The following VPS13A variants were observed in gnomAD, a reference collection of about 807,000 sequenced individuals.
VPS13A encodes vacuolar protein sorting 13 homolog A, also known as intermembrane lipid transfer protein VPS13A.
Under a neutral mutation model 390.9 loss-of-function variants are expected in VPS13A, and 264 were observed. The ratio of observed to expected loss-of-function variants is 0.68; its 90% confidence interval spans 0.61 to 0.75. The LOEUF (loss-of-function observed/expected upper bound fraction) is 0.75. VPS13A is among the 30% of genes least tolerant of loss of function. The pLI is 0.00. For missense variants in VPS13A, 3,409 were observed against 3,733.9 expected (o/e 0.91, Z 2.27); for synonymous variants, 1,231 against 1,227.1 (o/e 1.00, Z -0.07).
In VPS13A at chr9:77,405,903, C is replaced by T. The variant is rs1197508826; in HGVS notation, c.9315C>T (p.Leu3105=). ...LFVTKGTFGQ[L]TCEWQYSFDE... ...TAACAAAGGGAACATTTGGACAACT[C>T]ACGTGTGAGTGGCAGTATAGTTTTG... The change falls in exon 70 of 72, where the codon CTC becomes CTT. Residue 3105 remains leucine (L), a synonymous_variant. Coordinates refer to ENST00000360280, the MANE Select transcript of VPS13A (RefSeq NM_033305.3). The T allele has an allele frequency of 6.2e-7, 1 of 1,613,856 alleles. No homozygotes were observed.
At chr9:77,248,279 G>A (rs1014245905) in intron 20 of VPS13A, among the ~76,000 whole-genome samples, 3 of 150,066 alleles carry the variant, frequency 2.0e-5, no homozygotes, top group Non-Finnish European at 4.4e-5. Flanking sequence ...GCAGTGGCAC[G>A]ATCTCGGCTC....
At position 77,220,043 on chromosome 9, in the gene VPS13A, G is replaced by C; in HGVS notation, c.844G>C (p.Glu282Gln). The C allele has an allele frequency of 1.9e-6, 3 of 1,612,154 alleles. No homozygotes were observed. The highest frequency in any genetic ancestry group is 2.5e-6 in the Non-Finnish European group (3 of 1,178,526). The change falls in exon 11 of 72, where the codon GAG (glutamate) becomes CAG (glutamine). Residue 282 changes from glutamate (E) to glutamine (Q), a missense_variant. This residue lies in a region of VPS13A where 2,717 missense variants were observed against 2,917.4 expected (regional missense o/e 0.93). Coordinates refer to ENST00000360280, the MANE Select transcript of VPS13A (RefSeq NM_033305.3). ...TGCCCCCAAAATAAACTTGGAAATT[G>C]AGTTACATAACATAGCAATTGAATT... ...FSAPKINLEI[E>Q]LHNIAIEFNK...
intron 33 of VPS13A, among the ~76,000 whole-genome samples, chr9:77,301,443 T>C (rs1828348576): frequency 6.6e-6 from 1 of 152,234 alleles, no homozygotes; most frequent in African/African-American, 2.4e-5. Context: ...TGCAGGCATA[T>C]GTAAGTTTGG....
At chr9:77,211,004 G>A (rs1825947642) in intron 7 of VPS13A, among the ~76,000 whole-genome samples, 1 of 152,008 alleles carries the variant, frequency 6.6e-6, no homozygotes, top group Admixed American at 6.6e-5. Context: ...GATAAGCCTT[G>A]AAAAACAAAA....
At chr9:77,189,442 C>G (rs989310621) in intron 1 of VPS13A, among the ~76,000 whole-genome samples, 9 of 151,936 alleles carry the variant, frequency 5.9e-5, no homozygotes, top group African/African-American at 2.2e-4. Flanking sequence ...GGGCTCTTGA[C>G]CTGTTCCATT....
chr9:77,191,557 G>A (rs1342450714), intron 1 of VPS13A, among the ~76,000 whole-genome samples: 7 of 151,964 alleles, frequency 4.6e-5, no homozygotes, highest in Non-Finnish European at 7.4e-5. Flanking sequence ...CCTAAGCCTT[G>A]CAAAGTACTG....
chr9:77,207,252 T>TATATATATATA, intron 5 of VPS13A, among the ~76,000 whole-genome samples: 3 of 87,274 alleles, frequency 3.4e-5, no homozygotes, highest in Non-Finnish European at 6.9e-5. Context: ...TATATATATA[T>TATATATATATA]AAAACGTGTT....
At chr9:77,287,461 G>A (rs1425308861) in intron 31 of VPS13A, among the ~76,000 whole-genome samples, 1 of 152,072 alleles carries the variant, frequency 6.6e-6, no homozygotes, top group Non-Finnish European at 1.5e-5. Context: ...CCAAAGTGCT[G>A]TGATTACAGA....
At chr9:77,369,173 G>T in intron 62 of VPS13A, 126 bp from the exon 63 acceptor site, 1 of 723,624 alleles carries the variant, frequency 1.4e-6, no homozygotes, top group Non-Finnish European at 2.5e-6. Flanking sequence ...AAAATGAGAT[G>T]GTTTAGGAGT....
chr9:77,388,708 GT>G (rs936100202), intron 68 of VPS13A, among the ~76,000 whole-genome samples: 12 of 152,054 alleles, frequency 7.9e-5, no homozygotes, highest in African/African-American at 2.9e-4. Context: ...CATTGTTTTT[GT>G]TTTTTAAAAG....
intron 19 of VPS13A, among the ~76,000 whole-genome samples, chr9:77,239,720 A>C (rs1275945103): frequency 5.3e-5 from 8 of 151,700 alleles, no homozygotes; most frequent in Non-Finnish European, 1.2e-4. Flanking sequence ...TAATTAATTT[A>C]TTTAGGCTTA....
At chr9:77,347,689 T>G (rs933740462) in intron 52 of VPS13A, among the ~76,000 whole-genome samples, 1 of 152,162 alleles carries the variant, frequency 6.6e-6, no homozygotes, top group Admixed American at 6.5e-5. Context: ...AGTCTTATCT[T>G]TAGTAAATCT....
chr9:77,183,808 T>C (rs914036722), intron 1 of VPS13A, among the ~76,000 whole-genome samples: 1 of 152,254 alleles, frequency 6.6e-6, no homozygotes, highest in African/African-American at 2.4e-5. Context: ...TTATTTTTAA[T>C]AGCCCCAAAT....
intron 67 of VPS13A, among the ~76,000 whole-genome samples, chr9:77,381,694 A>G (rs1417987150): frequency 6.6e-6 from 1 of 152,162 alleles, no homozygotes; most frequent in Non-Finnish European, 1.5e-5. Flanking sequence ...TGTTTATAGC[A>G]TTATACTAAA....
At chr9:77,229,785 C>G (rs959975137) in intron 17 of VPS13A, among the ~76,000 whole-genome samples, 1 of 152,042 alleles carries the variant, frequency 6.6e-6, no homozygotes, top group Non-Finnish European at 1.5e-5. Context: ...GGGTAGACAC[C>G]TGGGGTGGAA....
At chr9:77,282,539 T>A (rs577881287) in intron 29 of VPS13A, among the ~76,000 whole-genome samples, 58 of 152,184 alleles carry the variant, frequency 3.8e-4, no homozygotes, top group Middle Eastern at 6.8e-3. Context: ...GATTAAAAAA[T>A]TTTTTTTCTT....
intron 68 of VPS13A, 200 bp downstream of exon 68, chr9:77,382,287 A>G: frequency 6.5e-7 from 1 of 1,527,522 alleles, no homozygotes; most frequent in Non-Finnish European, 8.8e-7. Flanking sequence ...AGGCATCAAA[A>G]AGTTTGATAT....
chr9:77,233,717 C>T (rs1823972364), intron 17 of VPS13A, among the ~76,000 whole-genome samples: 1 of 151,350 alleles, frequency 6.6e-6, no homozygotes, highest in Non-Finnish European at 1.5e-5. Flanking sequence ...AGTTTTTCTT[C>T]TATTGAGTTC....
intron 23 of VPS13A, among the ~76,000 whole-genome samples, chr9:77,261,815 C>T (rs573711708): frequency 6.6e-6 from 1 of 152,182 alleles, no homozygotes; most frequent in African/African-American, 2.4e-5. Context: ...AAAATCCTGA[C>T]CTCAAGTGAT....
Sources: gnomAD v4.1 joint callset for allele counts (sites outside exome capture counted in the v4.1 genomes callset) on GRCh38, gnomAD v4.1.1 for gene constraint, gnomAD v4.1.1 regional missense constraint, MANE v1.5 for transcripts, NCBI Gene and HGNC (gene_info 2026-07-23, HGNC 2026-07-21) for gene names.